Variants in BMPR1A observed in about 807,000 individuals in gnomAD.
BMPR1A encodes the protein bone morphogenetic protein receptor type-1A.
In BMPR1A, 7 loss-of-function variants were observed where a neutral mutation model predicts 66.0. The ratio of observed to expected loss-of-function variants is 0.11; its 90% CI spans 0.06 to 0.20. The LOEUF (loss-of-function observed/expected upper bound fraction) is 0.20. BMPR1A is among the 10% of genes least tolerant of loss of function. The pLI, the probability that BMPR1A is intolerant of heterozygous loss-of-function variation, is 1.00. For synonymous variants in BMPR1A, 200 were observed against 229.7 expected (o/e 0.87, Z 1.17); for missense variants, 408 against 669.1 (o/e 0.61, Z 4.31).
chr10:86,873,947 T>C (rs1589756073), intron 2 of BMPR1A, among the ~76,000 whole-genome samples: 1 of 152,362 alleles, frequency 6.6e-6, no homozygotes, highest in South Asian at 2.1e-4. Flanking sequence ...TACCTCACTG[T>C]AAACCTTCTT....
intron 2 of BMPR1A, among the ~76,000 whole-genome samples, chr10:86,847,577 C>T (rs569407512): frequency 4.0e-5 from 6 of 151,892 alleles, no homozygotes; most frequent in Admixed American, 2.0e-4. Flanking sequence ...TGGCCAGGCA[C>T]GGTGGCTCAT....
At chr10:86,819,333 TTG>T (rs1194804018) in intron 1 of BMPR1A, among the ~76,000 whole-genome samples, 1 of 152,194 alleles carries the variant, frequency 6.6e-6, no homozygotes, top group African/African-American at 2.4e-5. Context: ...TTTTTTCTTT[TTG>T]AGTCTCGCTC....
intron 1 of BMPR1A, among the ~76,000 whole-genome samples, chr10:86,797,868 T>A (rs1841746452): frequency 6.6e-6 from 1 of 151,976 alleles, no homozygotes. Flanking sequence ...GAGAATTGGG[T>A]TGGTTGCTGT....
In BMPR1A at chr10:86,793,601, C is replaced by T. The variant is rs143520174; in HGVS notation, c.-268+36682C>T. Among the ~76,000 whole-genome samples the T allele has an allele frequency of 3.8e-3, 578 of 152,148 alleles. 4 individuals are homozygous for T. Among genetic ancestry groups the T allele is most frequent in the African/African-American group, 0.013 (542 of 41,496 alleles). On this transcript the variant is annotated intron_variant, in intron 1 of 12. Coordinates refer to ENST00000372037, the MANE Select transcript of BMPR1A (RefSeq NM_004329.3). ...CTGGTCTCAGGTGATCTGCCTGCCT[C>T]GGCCTCCCAAAGTGCTGGGATTACA...
chr10:86,810,706 C>T (rs1841957285), intron 1 of BMPR1A, among the ~76,000 whole-genome samples: 1 of 152,140 alleles, frequency 6.6e-6, no homozygotes, highest in African/African-American at 2.4e-5. Context: ...TGCATATGTT[C>T]TTTGGAGAAC....
At chr10:86,909,238 A>G (rs1382994513) in intron 7 of BMPR1A, among the ~76,000 whole-genome samples, 1 of 152,178 alleles carries the variant, frequency 6.6e-6, no homozygotes, top group African/African-American at 2.4e-5. Context: ...TCCCCAGTGT[A>G]AGGTCAATAG....
intron 1 of BMPR1A, among the ~76,000 whole-genome samples, chr10:86,759,598 T>C (rs1222695536): frequency 2.0e-5 from 3 of 152,270 alleles, no homozygotes; most frequent in Non-Finnish European, 4.4e-5. Flanking sequence ...GATTCTGCTT[T>C]ATGATATTGT....
intron 3 of BMPR1A, among the ~76,000 whole-genome samples, chr10:86,883,840 T>TC (rs1843027858): frequency 6.6e-6 from 1 of 151,174 alleles, no homozygotes; most frequent in Non-Finnish European, 1.5e-5. Context: ...TAAAAGGAGT[T>TC]CAACAGTGTA....
At chr10:86,832,522 A>C (rs1226739174) in intron 1 of BMPR1A, among the ~76,000 whole-genome samples, 1 of 152,130 alleles carries the variant, frequency 6.6e-6, no homozygotes, top group African/African-American at 2.4e-5. Context: ...AAATTTTTTA[A>C]CTTTAGTAAA....
At chr10:86,901,442 C>G (rs7905807) in intron 7 of BMPR1A, among the ~76,000 whole-genome samples, 78,417 of 152,036 alleles carry the variant, frequency 0.52, 22,403 homozygotes, top group East Asian at 0.78. Context: ...TACTTCCAGA[C>G]ATAACCACAA....
chr10:86,817,680 G>T (rs1160584738), intron 1 of BMPR1A, among the ~76,000 whole-genome samples: 1 of 152,102 alleles, frequency 6.6e-6, no homozygotes, highest in Non-Finnish European at 1.5e-5. Flanking sequence ...TATCAGAATA[G>T]ACCTGTAACT....
At chr10:86,931,611 A>G (rs1163800452), downstream of BMPR1A, 1 of 152,114 alleles carries the variant, frequency 6.6e-6, no homozygotes, top group Non-Finnish European at 1.5e-5. Context: ...ATACTCCATG[A>G]TCTTCTAGCA....
intron 3 of BMPR1A, among the ~76,000 whole-genome samples, chr10:86,889,397 T>G (rs1843116265): frequency 6.6e-6 from 1 of 151,956 alleles, no homozygotes; most frequent in Non-Finnish European, 1.5e-5. Flanking sequence ...AGCAAGATGC[T>G]TAGTAACTCC....
intron 3 of BMPR1A, among the ~76,000 whole-genome samples, chr10:86,886,668 G>A (rs1468163910): frequency 4.6e-5 from 7 of 151,972 alleles, no homozygotes; most frequent in Non-Finnish European, 1.0e-4. Flanking sequence ...GCTCTTTCCT[G>A]TTACTTTTCT....
intron 1 of BMPR1A, among the ~76,000 whole-genome samples, chr10:86,819,521 G>T (rs1214017652): frequency 7.2e-5 from 11 of 152,104 alleles, no homozygotes; most frequent in Admixed American, 7.2e-4. Flanking sequence ...GGATGGTCTC[G>T]ATCTCCTGAC....
chr10:86,775,884 A>C (rs1045404476), intron 1 of BMPR1A, among the ~76,000 whole-genome samples: 1 of 152,052 alleles, frequency 6.6e-6, no homozygotes, highest in Non-Finnish European at 1.5e-5. Flanking sequence ...TGTGCATTGC[A>C]GCTTGCCTTT....
downstream of BMPR1A, chr10:86,931,298 C>CACACATATATATATAT: frequency 8.8e-5 from 8 of 90,924 alleles, no homozygotes; most frequent in African/African-American, 4.2e-4. Flanking sequence ...CACACACACA[C>CACACATATATATATAT]ATATATATAT....
At chr10:86,889,501 T>C (rs1455702546) in intron 3 of BMPR1A, 1 of 152,828 alleles carries the variant, frequency 6.5e-6, no homozygotes, top group Non-Finnish European at 1.5e-5. Context: ...TATTTAATGA[T>C]TGGAAACTCT....
At chr10:86,838,007 T>A (rs1021384337) in intron 1 of BMPR1A, among the ~76,000 whole-genome samples, 2 of 152,214 alleles carry the variant, frequency 1.3e-5, no homozygotes, top group African/African-American at 4.8e-5. Flanking sequence ...GACCTTGCAA[T>A]GGGGCATAGG....
Sources: allele counts gnomAD v4.1 joint callset (sites outside exome capture counted in the v4.1 genomes callset), GRCh38; gene constraint gnomAD v4.1.1; transcripts MANE v1.5; gene names NCBI Gene and HGNC (gene_info 2026-07-23, HGNC 2026-07-21).